Variants in TMEM179B observed in about 807,000 individuals in gnomAD.
TMEM179B encodes the protein transmembrane protein 179B.
Under a neutral mutation model 18.0 loss-of-function variants are expected in TMEM179B, and 13 were observed. The ratio of observed to expected loss-of-function variants is 0.72; its 90% CI spans 0.47 to 1.15. The LOEUF (loss-of-function observed/expected upper bound fraction) is 1.15. TMEM179B is among the 50% of genes most tolerant of loss of function. The pLI is 0.00. For synonymous variants in TMEM179B, 159 were observed against 117.5 expected (o/e 1.35, Z -2.29); for missense variants, 320 against 270.6 (o/e 1.18, Z -1.28).
chr11:62,790,023 T>TGGGTC lies in TMEM179B; in HGVS notation c.637_641dup (p.Arg215GlyfsTer10). 1 of 1,613,530 alleles carries TGGGTC rather than the reference T, an allele frequency of 6.2e-7. No individual in the cohort carries two copies. Among genetic ancestry groups the TGGGTC allele is most frequent in the Non-Finnish European group, 8.5e-7 (1 of 1,179,714 alleles). ...GGAGCTCTGAGACAGATGCTCTCGT[T>TGGGTC]GGGTCACGCCTTTCCCATTCCTGAA... On this transcript the variant is annotated frameshift_variant, in exon 5 of 5. Coordinates refer to ENST00000333449, the MANE Select transcript of TMEM179B (RefSeq NM_199337.3). LOFTEE classifies it high-confidence loss of function.
chr11:62,790,152 T>G lies in TMEM179B; in HGVS notation c.*105T>G. ...GTTGGGAGTCTTAGTTTTCCTTTCG[T>G]TGGGGGGTGGGGGGGAAACATAATG... On this transcript the variant is annotated 3_prime_UTR_variant, in exon 5 of 5. Transcript: ENST00000333449. 4 of 1,253,728 alleles carry G rather than the reference T, an allele frequency of 3.2e-6. No homozygotes were observed. Among genetic ancestry groups the G allele is most frequent in the Middle Eastern group, 2.9e-4 (1 of 3,484 alleles). The allele number at this position is 1,253,728 out of a possible 1,614,324, so 77.7% of individuals were successfully genotyped here. A position where few individuals can be genotyped will look rare whatever the true frequency, so the allele number is the denominator to read the frequency against.
chr11:62,788,185 T>C (rs989648157), intron 1 of TMEM179B, among the ~76,000 whole-genome samples: 4 of 142,748 alleles, frequency 2.8e-5, no homozygotes, highest in Non-Finnish European at 6.1e-5. Flanking sequence ...GGCGGATCAC[T>C]TGAGGTCAGG....
intron 1 of TMEM179B, chr11:62,787,884 C>G (rs1244752932): frequency 1.8e-6 from 1 of 564,512 alleles, no homozygotes; most frequent in Non-Finnish European, 3.4e-6. Flanking sequence ...TTGTGCTGAG[C>G]TTTGTCGAGA....
intron 1 of TMEM179B, among the ~76,000 whole-genome samples, chr11:62,788,767 A>G (rs886787123): frequency 2.0e-5 from 3 of 151,812 alleles, no homozygotes; most frequent in African/African-American, 4.8e-5. Flanking sequence ...CACAGAGACC[A>G]TAACTTGTGA....
Position 62,789,153 on chromosome 11 carries a change from A to C in TMEM179B, c.227A>C (p.Tyr76Ser), listed in dbSNP as rs201702380. ...VAGASGLLALYCLLLLLFWIY... is the reference protein window; with the variant it reads ...VAGASGLLALSCLLLLLFWIY... Reference sequence around the variant, plus strand: ...GGGGCCTCTGGCCTCTTGGCCCTCTACTGCCTCCTGCTTTTGCTCTTCTGG... The same window carrying C: ...GGGGCCTCTGGCCTCTTGGCCCTCTCCTGCCTCCTGCTTTTGCTCTTCTGG... The change falls in exon 2 of 5, where the codon TAC becomes TCC. Residue 76 changes from tyrosine to serine, a missense_variant. Physicochemically the swap from Tyr to Ser is moderately radical, Grantham distance 144. Coordinates refer to ENST00000333449, the MANE Select transcript of TMEM179B (RefSeq NM_199337.3). 6.2e-7 allele frequency: 1 copy of C among 1,613,888 alleles called. No individual in the cohort carries two copies. Among genetic ancestry groups the C allele is most frequent in the Non-Finnish European group, 8.5e-7 (1 of 1,179,982 alleles).
rs2084340869 is a variant in TMEM179B, at chr11:62,790,064, T to C, written c.*17T>C. 1.3e-6 allele frequency: 2 copies of C among 1,593,148 alleles called. No homozygotes were observed. Among genetic ancestry groups the C allele is most frequent in the Admixed American group, 1.7e-5 (1 of 57,888 alleles). ...CATTCCTGAAGAATAAGCGGAGTGC[T>C]TCCTGCAGCCGAAGACTCCATGCCC... is the stretch of plus-strand genomic sequence containing the variant. On this transcript the variant is annotated 3_prime_UTR_variant, in exon 5 of 5. Transcript: ENST00000333449.
At chr11:62,787,829 G>C (rs529259814) in intron 1 of TMEM179B, 18 of 659,578 alleles carry the variant, frequency 2.7e-5, no homozygotes, top group African/African-American at 1.9e-4. Flanking sequence ...TTCCGAAACA[G>C]AAGTCAGTGC....
Position 62,790,221 on chromosome 11 carries a change from AATATT to A in TMEM179B, c.*181_*185del. 5.8e-6 allele frequency: 4 copies of A among 693,778 alleles called. No homozygotes were observed. Among genetic ancestry groups the A allele is most frequent in the South Asian group, 2.1e-5 (1 of 47,790 alleles). 43.0% of individuals were successfully genotyped at this position (693,778 alleles called of 1,614,324 possible). A position where few individuals can be genotyped will look rare whatever the true frequency, so the allele number is the denominator to read the frequency against. On this transcript the variant is annotated 3_prime_UTR_variant, in exon 5 of 5. Transcript: ENST00000333449. ...CTTCCTGCAGCTGTTTTTGTACCAA[AATATT>A]ATATTACTGTCTTCATCTTAGTAGT...
At chr11:62,789,851 C>G in intron 4 of TMEM179B, 35 bp from the exon 5 acceptor site, 3 of 1,599,136 alleles carry the variant, frequency 1.9e-6, no homozygotes, top group Non-Finnish European at 2.6e-6. Flanking sequence ...TTGAAATGGT[C>G]CCACTCCTGA....
At position 62,789,893 on chromosome 11, in the gene TMEM179B, C is replaced by T; in HGVS notation, c.506C>T (p.Ser169Phe). 2.5e-6 allele frequency: 4 copies of T among 1,613,380 alleles called. No individual in the cohort carries two copies. Among genetic ancestry groups the T allele is most frequent in the Non-Finnish European group, 3.4e-6 (4 of 1,179,688 alleles). ...TGTCCCTGTCTCCTACAGACCTCTT[C>T]TTGGGTGAATTTGGTATTGTGGTGT... ...YSNLHNAETSSWVNLVLWCVV... is the reference protein window; with the variant it reads ...YSNLHNAETSFWVNLVLWCVV... The change falls in exon 5 of 5, where the codon TCT (serine) becomes TTT (phenylalanine). Residue 169 changes from serine to phenylalanine, a missense_variant. Physicochemically the swap from Ser to Phe is radical, Grantham distance 155. Transcript: ENST00000333449.
intron 1 of TMEM179B, 77 bp from the exon 2 acceptor site, chr11:62,788,946 A>G: frequency 6.8e-7 from 1 of 1,462,206 alleles, no homozygotes; most frequent in Non-Finnish European, 9.3e-7. Flanking sequence ...TTCCTAAGTT[A>G]TCACTAACAC....
At position 62,789,396 on chromosome 11, in the gene TMEM179B, A is replaced by C; in HGVS notation, c.389A>C (p.Asn130Thr). The change falls in exon 3 of 5, where the codon AAC (asparagine) becomes ACC (threonine). Residue 130 changes from asparagine (N) to threonine (T), a missense_variant. Transcript: ENST00000333449. ...CGATTTGGCACCAGGTCTCTCTGCA[A>C]CTCCATCATCTCCTTGAACACTACA... is the stretch of plus-strand genomic sequence containing the variant. Reference protein sequence around the residue: ...ILRFGTRSLCNSIISLNTTIS... With the variant: ...ILRFGTRSLCTSIISLNTTIS... The C allele has an allele frequency of 1.2e-6, 2 of 1,613,008 alleles. No homozygotes were observed. The highest frequency in any genetic ancestry group is 1.7e-6 in the Non-Finnish European group (2 of 1,179,812).
At chr11:62,787,661 C>G in intron 1 of TMEM179B, 134 bp downstream of exon 1, 1 of 1,195,760 alleles carries the variant, frequency 8.4e-7, no homozygotes. Context: ...TGGCGCCGGC[C>G]TGTACCTGAA....
chr11:62,788,074 T>C (rs1408014770), intron 1 of TMEM179B: 2 of 442,448 alleles, frequency 4.5e-6, no homozygotes, highest in African/African-American at 2.0e-5. Flanking sequence ...GCCTATAAAG[T>C]AGGCACTAGT....
chr11:62,789,220 T>TA lies in TMEM179B; in HGVS notation c.284+12dup. 1 of 1,614,018 alleles carries TA rather than the reference T, an allele frequency of 6.2e-7. No homozygotes were observed. Among genetic ancestry groups the TA allele is most frequent in the East Asian group, 2.2e-5 (1 of 44,886 alleles). ...TCGAGGACTCCCACAGGTGACTGCC[T>TA]AACCCTGAGGGCCAGGGGCTGAGGT... On this transcript the variant is annotated intron_variant, in intron 2 of 4. Transcript: ENST00000333449.
At chr11:62,787,739 C>T (rs1335323547) in intron 1 of TMEM179B, 2 of 679,186 alleles carry the variant, frequency 2.9e-6, no homozygotes, top group Non-Finnish European at 5.1e-6. Flanking sequence ...TGTCCCCTCG[C>T]CAAAGGGACG....
At position 62,790,105 on chromosome 11, in the gene TMEM179B, C is replaced by T; in HGVS notation, c.*58C>T. 2.0e-6 allele frequency: 3 copies of T among 1,507,834 alleles called. No individual in the cohort carries two copies. Among genetic ancestry groups the T allele is most frequent in the Non-Finnish European group, 1.8e-6 (2 of 1,127,728 alleles). The allele number at this position is 1,507,834 out of a possible 1,614,324, so 93.4% of individuals were successfully genotyped here. A position where few individuals can be genotyped will look rare whatever the true frequency, so the allele number is the denominator to read the frequency against. On this transcript the variant is annotated 3_prime_UTR_variant, in exon 5 of 5. Transcript: ENST00000333449. ...CTCCATGCCCAAGTGCCTGTAATCC[C>T]CCCCCTCAAGGCCCTGTTTATGTTG...
At position 62,789,283 on chromosome 11, in the gene TMEM179B, C is replaced by T. The variant is rs2084329941; in HGVS notation, c.285-9C>T. ...ACCTCCACCACAAGGCTTGTTCTCT[C>T]CCTTTCAGAGGTGCTATAGGGCTGC... On this transcript the variant is annotated splice_polypyrimidine_tract_variant and intron_variant, in intron 2 of 4. Transcript: ENST00000333449. The T allele has an allele frequency of 1.2e-6, 2 of 1,613,990 alleles. No individual in the cohort carries two copies. Among genetic ancestry groups the T allele is most frequent in the Non-Finnish European group, 1.7e-6 (2 of 1,180,016 alleles).
At chr11:62,787,769 C>A in intron 1 of TMEM179B, 1 of 690,400 alleles carries the variant, frequency 1.4e-6, no homozygotes, top group Non-Finnish European at 2.6e-6. Flanking sequence ...CGTCTTAAAG[C>A]ACTAGGTGGA....
Sources: allele counts gnomAD v4.1 joint callset (sites outside exome capture counted in the v4.1 genomes callset), GRCh38; gene constraint gnomAD v4.1.1; transcripts MANE v1.5; gene names NCBI Gene and HGNC (gene_info 2026-07-23, HGNC 2026-07-21).